Variants in DNMT3A observed in about 807,000 individuals in gnomAD.
DNMT3A encodes DNA methyltransferase 3 alpha.
Under a neutral mutation model 117.6 loss-of-function variants are expected in DNMT3A, and 267 were observed. The observed-to-expected ratio is 2.27, with a 90% CI of 2.05 to 2.51. DNMT3A has a LOEUF of 2.51. DNMT3A is among the 30% of genes most tolerant of loss of function. The probability of loss-of-function intolerance (pLI) is 0.00; values close to 1 mark genes in which losing one functional copy is unlikely to be tolerated. For synonymous variants in DNMT3A, 432 were observed against 474.8 expected, an observed-to-expected ratio of 0.91 and a Z score of 1.17; for missense variants, 1,029 against 1,260.2, an observed-to-expected ratio of 0.82 and a Z score of 2.78.
chr2:25,319,282 G>C (rs1291057736), intron 1 of DNMT3A, among the ~76,000 whole-genome samples: 4 of 151,650 alleles, frequency 2.6e-5, no homozygotes, highest in Non-Finnish European at 4.4e-5. Flanking sequence ...CCAAAGTGCT[G>C]GGATTACAGG....
At position 25,240,337 on chromosome 2, in the gene DNMT3A, C is replaced by T. The variant is rs1369746569; in HGVS notation, c.2287G>A (p.Val763Ile). 1.9e-6 allele frequency: 3 copies of T among 1,614,114 alleles called. No individual in the cohort carries two copies. Among genetic ancestry groups the T allele is most frequent in the Admixed American group, 1.7e-5 (1 of 60,006 alleles). Reference sequence around the variant, plus strand: ...CGCGAGATGTCCCTCTTGTCACTAACGCCCATGGCCACCACATTCTCAAAG... The same window carrying T: ...CGCGAGATGTCCCTCTTGTCACTAATGCCCATGGCCACCACATTCTCAAAG... ...WLFENVVAMG[V>I]SDKRDISRFL... The change falls in exon 19 of 23, where the codon GTT (valine) becomes ATT (isoleucine). Residue 763 changes from valine (V) to isoleucine (I), a missense_variant. By Grantham distance (29) the Val-to-Ile change is conservative (BLOSUM62 3). Transcript: ENST00000321117.
chr2:25,247,624 C>T lies in DNMT3A; in HGVS notation c.981G>A (p.Trp327Ter). The T allele has an allele frequency of 6.2e-7, 1 of 1,614,106 alleles. No individual in the cohort carries two copies. Among genetic ancestry groups the T allele is most frequent in the Non-Finnish European group, 8.5e-7 (1 of 1,179,996 alleles). Residue 327 changes from tryptophan (W) to a stop codon, truncating the protein, a stop_gained, in exon 8 of 23, where the codon TGG becomes TGA. Transcript: ENST00000321117. LOFTEE classifies it high-confidence loss of function. This position sits in a 1 kb window ranked among gnomAD's most constrained non-coding sequence, Gnocchi z 5.6. ...ATTTGCCGTCTCCGAACCACATGAC[C>T]CAGCGGGTGCCTTCAGCTGCTCGGC... ...GRSRAAEGTR[W>*]VMWFGDGKFS...
chr2:25,270,187 G>T (rs781049025), intron 6 of DNMT3A, among the ~76,000 whole-genome samples: 28 of 152,208 alleles, frequency 1.8e-4, no homozygotes, highest in Admixed American at 1.3e-4. Context: ...TGTGCCTCGA[G>T]AGGTATGTGC....
chr2:25,233,589 G>A lies in DNMT3A; in HGVS notation c.*690C>T. Reference sequence around the variant, plus strand: ...AATACTGTAGAAAAATGTCTTGTGTGGTGTTCTCGTCTCCCTGCTGCTAAC... The same window carrying A: ...AATACTGTAGAAAAATGTCTTGTGTAGTGTTCTCGTCTCCCTGCTGCTAAC... On this transcript the variant is annotated 3_prime_UTR_variant, in exon 23 of 23. Transcript: ENST00000321117. 1 of 233,174 alleles carries A rather than the reference G, an allele frequency of 4.3e-6. No individual in the cohort carries two copies. 14.4% of individuals were successfully genotyped at this position (233,174 alleles called of 1,614,324 possible).
In DNMT3A at chr2:25,246,255, G is replaced by A. The variant is rs2149300510; in HGVS notation, c.1334C>T (p.Ala445Val). ...TGGTGGAGGTGGTGCGTAGGCAGCT[G>A]CCTCAGGTTCCACCCACATGTCCGT... is the stretch of plus-strand genomic sequence containing the variant. ...VYTDMWVEPE[A>V]AAYAPPPPAK... Residue 445 changes from alanine to valine, a missense_variant, in exon 11 of 23, where the codon GCA becomes GTA. Ala to Val is a moderately conservative substitution (Grantham distance 64). Transcript: ENST00000321117. The A allele has an allele frequency of 6.2e-7, 1 of 1,614,130 alleles. No homozygotes were observed. Among genetic ancestry groups the A allele is most frequent in the Non-Finnish European group, 8.5e-7 (1 of 1,179,976 alleles).
At chr2:25,287,868 C>T (rs2032432105) in intron 3 of DNMT3A, among the ~76,000 whole-genome samples, 3 of 151,598 alleles carry the variant, frequency 2.0e-5, no homozygotes, top group African/African-American at 4.8e-5. Flanking sequence ...GAGTTTCGCT[C>T]TTGTTGCCCA....
chr2:25,308,389 C>T (rs2033896673), intron 2 of DNMT3A, among the ~76,000 whole-genome samples: 2 of 152,088 alleles, frequency 1.3e-5, no homozygotes, highest in Non-Finnish European at 2.9e-5. Context: ...CTGCAGGGGC[C>T]AAACAACCCC....
rs1307673132 is a variant in DNMT3A, at chr2:25,234,370, A to T, written c.2648T>A (p.Leu883Ter). ...CCGGCCCAGCAGTCTCTGCCTCGCC[A>T]AGCGGCTCATGTTGGAGACGTCAGT... ...HYTDVSNMSR[L>*]ARQRLLGRSW... is the part of the protein sequence containing the mutation. Residue 883 changes from leucine to a stop codon, truncating the protein, a stop_gained, in exon 23 of 23, where the codon TTG becomes TAG. Coordinates refer to ENST00000321117, the MANE Select transcript of DNMT3A (RefSeq NM_022552.5). LOFTEE classifies it high-confidence loss of function. This position sits in a 1 kb window ranked among gnomAD's most constrained non-coding sequence, Gnocchi z 4.5. 6.2e-7 allele frequency: 1 copy of T among 1,614,142 alleles called. No individual in the cohort carries two copies. The highest frequency in any genetic ancestry group is 1.7e-5 in the Admixed American group (1 of 60,018).
At chr2:25,297,367 C>T (rs529558441) in intron 3 of DNMT3A, among the ~76,000 whole-genome samples, 2 of 152,286 alleles carry the variant, frequency 1.3e-5, no homozygotes, top group African/African-American at 4.8e-5. Flanking sequence ...ATCCAGACCA[C>T]GAGGGGCACG....
At chr2:25,321,372 C>T (rs923818796) in intron 1 of DNMT3A, among the ~76,000 whole-genome samples, 4 of 152,202 alleles carry the variant, frequency 2.6e-5, no homozygotes, top group African/African-American at 9.7e-5. Context: ...TACTCTCTGC[C>T]TCATCAACAT....
In DNMT3A at chr2:25,252,736, A is replaced by C. The variant is rs1234504549; in HGVS notation, c.640-4484T>G. Reference sequence around the variant, plus strand: ...GGACGGCCTGGGAGAGCCGGGAGAAAGTTGTGAAAAGTGAGTTTCTCTGAA... The same window carrying C: ...GGACGGCCTGGGAGAGCCGGGAGAACGTTGTGAAAAGTGAGTTTCTCTGAA... On this transcript the variant is annotated intron_variant, in intron 6 of 22. Coordinates refer to ENST00000321117, the MANE Select transcript of DNMT3A (RefSeq NM_022552.5). The surrounding 1 kb of genome is among the most constrained non-coding windows in gnomAD (Gnocchi z 5.5). Among the ~76,000 whole-genome samples the C allele has an allele frequency of 6.6e-6, 1 of 152,022 alleles. No individual in the cohort carries two copies. Among genetic ancestry groups the C allele is most frequent in the Non-Finnish European group, 1.5e-5 (1 of 67,980 alleles).
intron 6 of DNMT3A, chr2:25,249,836 A>G (rs1675295701): frequency 1.6e-6 from 2 of 1,268,776 alleles, no homozygotes; most frequent in Non-Finnish European, 2.3e-6. Flanking sequence ...TTTCCACCAT[A>G]CCAGATTTAG....
At chr2:25,270,437 G>T (rs1341617490) in intron 6 of DNMT3A, among the ~76,000 whole-genome samples, 1 of 152,168 alleles carries the variant, frequency 6.6e-6, no homozygotes, top group Non-Finnish European at 1.5e-5. Flanking sequence ...AGCTGTGGAG[G>T]CTTCTGGAAA....
At position 25,254,473 on chromosome 2, in the gene DNMT3A, C is replaced by T. The variant is rs951950996; in HGVS notation, c.640-6221G>A. Among the ~76,000 whole-genome samples, 2 of 152,176 alleles carry T rather than the reference C, an allele frequency of 1.3e-5. No individual in the cohort carries two copies. Among genetic ancestry groups the T allele is most frequent in the East Asian group, 3.9e-4 (2 of 5,184 alleles). ...CATACAGCTAGGAAAAGAAGCTATT[C>T]GAAAAACAAGCAAACAAACAAAAAC... On this transcript the variant is annotated intron_variant, in intron 6 of 22. Coordinates refer to ENST00000321117, the MANE Select transcript of DNMT3A (RefSeq NM_022552.5). The surrounding 1 kb of genome is among the most constrained non-coding windows in gnomAD (Gnocchi z 4.7).
intron 16 of DNMT3A, among the ~76,000 whole-genome samples, chr2:25,242,221 A>G (rs1248517923): frequency 1.3e-5 from 2 of 151,784 alleles, no homozygotes; most frequent in Non-Finnish European, 2.9e-5. Flanking sequence ...CCATCAGAGC[A>G]GTTTCCATTC....
At chr2:25,295,989 C>T (rs1363407130) in intron 3 of DNMT3A, among the ~76,000 whole-genome samples, 1 of 152,170 alleles carries the variant, frequency 6.6e-6, no homozygotes. Context: ...TTTTTAAATT[C>T]TCAGTGCACC....
chr2:25,298,617 C>G lies in DNMT3A; in HGVS notation c.177+1522G>C, dbSNP rs977024440. On this transcript the variant is annotated intron_variant, in intron 3 of 22. Transcript: ENST00000321117. This position sits in a 1 kb window ranked among gnomAD's most constrained non-coding sequence, Gnocchi z 4.3. The stretch of plus-strand genomic sequence containing the variant: ...GCTCTGACTCCGGCCTGGCTCTCCT[C>G]CCACACCTTCTCCATTAAGGTGCCC... Among the ~76,000 whole-genome samples the G allele has an allele frequency of 2.6e-5, 4 of 152,162 alleles. No homozygotes were observed. Among genetic ancestry groups the G allele is most frequent in the African/African-American group, 9.7e-5 (4 of 41,422 alleles).
chr2:25,246,385 C>T, intron 10 of DNMT3A, 76 bp from the exon 11 acceptor site: 4 of 1,513,738 alleles, frequency 2.6e-6, no homozygotes, highest in African/African-American at 1.4e-5. Flanking sequence ...ACCCTCCTTA[C>T]AGTGGGGTGC....
intron 1 of DNMT3A, among the ~76,000 whole-genome samples, chr2:25,328,091 T>C (rs941362544): frequency 2.0e-5 from 3 of 152,192 alleles, no homozygotes; most frequent in African/African-American, 7.2e-5. Flanking sequence ...GCTCCCTCTA[T>C]GAAAACCTAT....
Sources: gnomAD v4.1 joint callset for allele counts (sites outside exome capture counted in the v4.1 genomes callset) on GRCh38, gnomAD v4.1.1 for gene constraint, Gnocchi (gnomAD v3.1) non-coding constraint, MANE v1.5 for transcripts, NCBI Gene and HGNC (gene_info 2026-07-23, HGNC 2026-07-21) for gene names.